Variants in NEK5 observed in about 807,000 individuals in gnomAD.
NEK5 encodes serine/threonine-protein kinase Nek5.
Under a neutral mutation model 109.2 loss-of-function variants are expected in NEK5, and 88 were observed. The observed-to-expected ratio is 0.81, with a 90% CI of 0.68 to 0.96. The LOEUF (loss-of-function observed/expected upper bound fraction) is 0.96. Among genes scored for constraint, NEK5 ranks in the 40% least tolerant of loss-of-function variants. The pLI is 0.00. For synonymous variants in NEK5, 283 were observed against 299.9 expected (o/e 0.94, Z 0.58); for missense variants, 834 against 920.7 (o/e 0.91, Z 1.22).
chr13:52,116,979 C>T (rs987240921), intron 4 of NEK5, among the ~76,000 whole-genome samples: 2 of 151,402 alleles, frequency 1.3e-5, no homozygotes, highest in South Asian at 2.1e-4. Context: ...AGTGCAGTGG[C>T]GCAATCTCAG....
At position 52,075,769 on chromosome 13, in the gene NEK5, G is replaced by A; in HGVS notation, c.1711C>T (p.Gln571Ter). 1 of 1,571,318 alleles carries A rather than the reference G, an allele frequency of 6.4e-7. No individual in the cohort carries two copies. Among genetic ancestry groups the A allele is most frequent in the Non-Finnish European group, 8.6e-7 (1 of 1,156,222 alleles). Residue 571 changes from glutamine (Q) to a stop codon, truncating the protein, a stop_gained, in exon 19 of 24, where the codon CAA becomes TAA. Transcript: ENST00000684899. LOFTEE classifies it high-confidence loss of function. ...DKCISDENILQEEEAMDIPNE... is the reference protein window; with the variant it reads ...DKCISDENIL The stretch of plus-strand genomic sequence containing the variant: ...ACTTAATGGCATACCTCTTCCTCTT[G>A]GAGGATGTTTTCATCAGAAATACAT...
chr13:52,127,537 C>T (rs750844575), intron 2 of NEK5, 33 bp from the exon 3 acceptor site: 2 of 962,300 alleles, frequency 2.1e-6, no homozygotes, highest in Non-Finnish European at 3.4e-6. Context: ...TTATCACACA[C>T]GTCTCATAAA....
At chr13:52,059,944 T>TA (rs1954596947) in intron 22 of NEK5, among the ~76,000 whole-genome samples, 1 of 151,962 alleles carries the variant, frequency 6.6e-6, no homozygotes, top group Non-Finnish European at 1.5e-5. Flanking sequence ...CCCTAAAACT[T>TA]AAAGTATAAT....
chr13:52,105,449 G>T (rs1472134760), intron 8 of NEK5, among the ~76,000 whole-genome samples: 1 of 151,886 alleles, frequency 6.6e-6, no homozygotes, highest in Non-Finnish European at 1.5e-5. Context: ...AAACTCTTGA[G>T]CTCAAGCAAT....
Position 52,119,350 on chromosome 13 carries a change from G to T in NEK5, c.183C>A (p.Pro61=). The T allele has an allele frequency of 6.2e-7, 1 of 1,600,842 alleles. No homozygotes were observed. Among genetic ancestry groups the T allele is most frequent in the East Asian group, 2.2e-5 (1 of 44,738 alleles). Residue 61 remains proline, a synonymous_variant, in exon 4 of 24, where the codon CCC becomes CCA. Coordinates refer to ENST00000684899, the MANE Select transcript of NEK5 (RefSeq NM_001365552.1). ...ATGAATTGAAGAAGGCTACAATGTT[G>T]GGATGTTTCATCTTTTCCAGAAGAA... is the stretch of plus-strand genomic sequence containing the variant. The part of the protein sequence containing the change: ...EVILLEKMKH[P]NIVAFFNSFQ...
chr13:52,094,699 G>A (rs751148340), intron 12 of NEK5, among the ~76,000 whole-genome samples: 6 of 152,142 alleles, frequency 3.9e-5, no homozygotes, highest in African/African-American at 9.6e-5. Context: ...GCACAAACCC[G>A]GGAGGCGGAG....
intron 23 of NEK5, among the ~76,000 whole-genome samples, chr13:52,038,005 G>A (rs1247142436): frequency 2.0e-5 from 3 of 151,950 alleles, no homozygotes; most frequent in African/African-American, 7.2e-5. Context: ...CTGCAACATT[G>A]GTATTTTTAG....
intron 23 of NEK5, 82 bp from the exon 24 acceptor site, chr13:52,037,300 C>T (rs1954369127): frequency 5.0e-6 from 3 of 605,210 alleles, no homozygotes; most frequent in Non-Finnish European, 6.2e-6. Context: ...CCCTTTTCTC[C>T]ATCCCCAGTT....
chr13:52,088,372 A>G (rs1955200762), intron 14 of NEK5, among the ~76,000 whole-genome samples: 6 of 151,936 alleles, frequency 3.9e-5, no homozygotes. Context: ...CTCCTGCCTC[A>G]GCCTCCCAAG....
In NEK5 at chr13:52,054,707, C is replaced by T. The variant is rs576610132; in HGVS notation, c.2111-4486G>A. 6.9e-3 allele frequency among the ~76,000 whole-genome samples: 1,055 copies of T among 152,162 alleles called. 4 individuals are homozygous for T. Among genetic ancestry groups the T allele is most frequent in the African/African-American group, 0.024 (1,004 of 41,498 alleles). On this transcript the variant is annotated intron_variant, in intron 22 of 23. Transcript: ENST00000684899. ...GGGGCAGACTGACACCTCACACGGC[C>T]GGGTACTCCAACAGACCTGCAGCTG... is the stretch of plus-strand genomic sequence containing the variant.
intron 3 of NEK5, 26 bp from the exon 4 acceptor site, chr13:52,119,441 G>T: frequency 1.6e-6 from 2 of 1,264,624 alleles, no homozygotes; most frequent in Non-Finnish European, 1.1e-6. Context: ...AGACAGAGTA[G>T]TCTATAAAGC....
At chr13:52,078,934 T>C (rs542672991) in intron 17 of NEK5, among the ~76,000 whole-genome samples, 85 of 152,278 alleles carry the variant, frequency 5.6e-4, no homozygotes, top group African/African-American at 1.6e-3. Context: ...TTCACAAATA[T>C]AAGTAAGATA....
chr13:52,127,768 T>G (rs938288968), intron 1 of NEK5, 106 bp from the exon 2 acceptor site: 10 of 308,648 alleles, frequency 3.2e-5, no homozygotes, highest in Non-Finnish European at 5.9e-5. Flanking sequence ...AAAACCTCAC[T>G]TTCCTAATTT....
chr13:52,070,512 C>T (rs893755843), intron 20 of NEK5, among the ~76,000 whole-genome samples: 9 of 152,186 alleles, frequency 5.9e-5, no homozygotes, highest in South Asian at 4.2e-4. Context: ...ATGAGTCTCA[C>T]GAGATAAGAT....
At chr13:52,063,923 C>T (rs1003891954) in intron 21 of NEK5, among the ~76,000 whole-genome samples, 3 of 151,590 alleles carry the variant, frequency 2.0e-5, no homozygotes, top group Admixed American at 1.3e-4. Flanking sequence ...CCTGCCAGGC[C>T]AGCCGCCCCG....
Position 52,108,371 on chromosome 13 carries a change from T to C in NEK5, c.501A>G (p.Thr167=). ...AGATCTCTGGGGACAGGTAGTAAGG[T>C]GTTCCAATACAAGTTCGAGCAAGTT... ...SMELARTCIG[T]PYYLSPEICQ... The change falls in exon 8 of 24, where the codon ACA becomes ACG. Residue 167 remains threonine, a synonymous_variant. Coordinates refer to ENST00000684899, the MANE Select transcript of NEK5 (RefSeq NM_001365552.1). The C allele has an allele frequency of 1.2e-6, 2 of 1,610,954 alleles. No homozygotes were observed. Among genetic ancestry groups the C allele is most frequent in the Non-Finnish European group, 1.7e-6 (2 of 1,177,706 alleles).
chr13:52,103,745 G>C (rs141928128), intron 9 of NEK5, among the ~76,000 whole-genome samples: 3 of 152,272 alleles, frequency 2.0e-5, no homozygotes, highest in African/African-American at 7.2e-5. Context: ...GTGCCTATGT[G>C]ACCAGTCCCC....
intron 20 of NEK5, among the ~76,000 whole-genome samples, chr13:52,070,620 TTGTGAGGCTTCCCCAGCCA>T (rs1954768575): frequency 6.6e-6 from 1 of 152,230 alleles, no homozygotes; most frequent in Non-Finnish European, 1.5e-5. Flanking sequence ...TCCACCATGA[TTGTGAGGCTTCCCCAGCCA>T]TGTGGAACTG....
intron 21 of NEK5, among the ~76,000 whole-genome samples, chr13:52,063,289 G>A (rs958237454): frequency 1.2e-4 from 18 of 152,214 alleles, no homozygotes; most frequent in Non-Finnish European, 2.5e-4. Context: ...TGGCCGGGCT[G>A]GTCTCCAGCT....
Sources: gnomAD v4.1 joint callset for allele counts (sites outside exome capture counted in the v4.1 genomes callset) on GRCh38, gnomAD v4.1.1 for gene constraint, MANE v1.5 for transcripts, NCBI Gene and HGNC (gene_info 2026-07-23, HGNC 2026-07-21) for gene names.